Variants in B4GALNT1 observed in about 807,000 individuals in gnomAD.
B4GALNT1 encodes beta-1,4-N-acetyl-galactosaminyltransferase 1, also known as beta-1,4 N-acetylgalactosaminyltransferase 1.
In B4GALNT1, 43 loss-of-function variants were observed where a neutral mutation model predicts 55.2. That is an observed-to-expected ratio of 0.78 (90% CI 0.61 to 1.00). The LOEUF (loss-of-function observed/expected upper bound fraction) is 1.00. Among genes scored for constraint, B4GALNT1 ranks in the 50% least tolerant of loss-of-function variants. The pLI, the probability that B4GALNT1 is intolerant of heterozygous loss-of-function variation, is 0.00. For missense variants in B4GALNT1, 664 were observed against 729.7 expected, an observed-to-expected ratio of 0.91 and a Z score of 1.04; for synonymous variants, 305 against 311.6, an observed-to-expected ratio of 0.98 and a Z score of 0.22.
intron 4 of B4GALNT1, 60 bp from the exon 5 acceptor site, chr12:57,630,578 T>C: frequency 3.3e-6 from 5 of 1,529,948 alleles, no homozygotes; most frequent in Non-Finnish European, 4.4e-6. Context: ...CTTTCTCATT[T>C]TCTCTCCCTG....
chr12:57,626,696 G>A lies in B4GALNT1; in HGVS notation c.*48C>T. 1 of 1,604,860 alleles carries A rather than the reference G, an allele frequency of 6.2e-7. No homozygotes were observed. Among genetic ancestry groups the A allele is most frequent in the Middle Eastern group, 1.8e-4 (1 of 5,648 alleles). The stretch of plus-strand genomic sequence containing the variant: ...GGGTTTGTTGGAAATTCCTGGCAGG[G>A]ACAAGGAGGCAGGCCCAGCCTGACA... On this transcript the variant is annotated 3_prime_UTR_variant, in exon 11 of 11. Transcript: ENST00000341156.
At position 57,632,139 on chromosome 12, in the gene B4GALNT1, TG is replaced by T; in HGVS notation, c.-1-7del. 6.8e-7 allele frequency: 1 copy of T among 1,469,270 alleles called. No individual in the cohort carries two copies. Among genetic ancestry groups the T allele is most frequent in the Non-Finnish European group, 9.1e-7 (1 of 1,097,704 alleles). 91.0% of individuals were successfully genotyped at this position (1,469,270 alleles called of 1,614,324 possible). The stretch of plus-strand genomic sequence containing the variant: ...CCCGGCGGCCCAGCCACATCCTAGG[TG>T]GGGGTAGGGTGGGGAGTGAGAAAGG... On this transcript the variant is annotated splice_region_variant and splice_polypyrimidine_tract_variant and intron_variant, in intron 1 of 10. Coordinates refer to ENST00000341156, the MANE Select transcript of B4GALNT1 (RefSeq NM_001478.5).
Position 57,625,595 on chromosome 12 carries a change from G to C in B4GALNT1, c.*1149C>G. 6.3e-7 allele frequency: 1 copy of C among 1,594,808 alleles called. No individual in the cohort carries two copies. Among genetic ancestry groups the C allele is most frequent in the Non-Finnish European group, 8.6e-7 (1 of 1,169,206 alleles). ...CTCCCCACATAGCCTTGGTGCAGGGGACACTGACCCGGGTAGGACTCCTGG... is the reference window on the plus strand; with the variant it reads ...CTCCCCACATAGCCTTGGTGCAGGGCACACTGACCCGGGTAGGACTCCTGG... On this transcript the variant is annotated 3_prime_UTR_variant, in exon 11 of 11. Transcript: ENST00000341156.
chr12:57,629,219 AGTGCCTACTCT>A (rs1885046986), intron 6 of B4GALNT1, 73 bp from the exon 7 acceptor site: 1 of 1,297,346 alleles, frequency 7.7e-7, no homozygotes, highest in Non-Finnish European at 1.0e-6. Flanking sequence ...TCAATATTTA[AGTGCCTACTCT>A]GTGTCCCACC....
chr12:57,625,198 T>C lies in B4GALNT1; in HGVS notation c.*1546A>G. On this transcript the variant is annotated 3_prime_UTR_variant, in exon 11 of 11. Coordinates refer to ENST00000341156, the MANE Select transcript of B4GALNT1 (RefSeq NM_001478.5). Reference sequence around the variant, plus strand: ...AGAAGGAAGATTTGGGCATGTTGCATGGTGACACCTGGGTACTCCTGTCTT... The same window carrying C: ...AGAAGGAAGATTTGGGCATGTTGCACGGTGACACCTGGGTACTCCTGTCTT... 1 of 1,614,088 alleles carries C rather than the reference T, an allele frequency of 6.2e-7. No individual in the cohort carries two copies. Among genetic ancestry groups the C allele is most frequent in the Non-Finnish European group, 8.5e-7 (1 of 1,180,008 alleles).
In B4GALNT1 at chr12:57,624,686, A is replaced by T; in HGVS notation, c.*2058T>A. ...CTTGGGGTGACTCTCCAGCCAGGCC[A>T]GGCTAAGCTGGAAATCTGGCCCCAC... On this transcript the variant is annotated 3_prime_UTR_variant, in exon 11 of 11. Transcript: ENST00000341156. 1.3e-6 allele frequency: 1 copy of T among 756,316 alleles called. No individual in the cohort carries two copies. The highest frequency in any genetic ancestry group is 2.3e-4 in the Middle Eastern group (1 of 4,384). The allele number at this position is 756,316 out of a possible 1,614,324, so 46.9% of individuals were successfully genotyped here.
rs1290652611 is a variant in B4GALNT1, at chr12:57,628,742, C to T, written c.973G>A (p.Val325Met). The T allele has an allele frequency of 1.2e-6, 2 of 1,614,122 alleles. No homozygotes were observed. Among genetic ancestry groups the T allele is most frequent in the African/African-American group, 1.3e-5 (1 of 74,938 alleles). The change falls in exon 8 of 11, where the codon GTG (valine) becomes ATG (methionine). Residue 325 changes from valine (V) to methionine (M), a missense_variant. Transcript: ENST00000341156. ...DKPERVSGPY[V>M]EHYLMPFGKG... ...CCGAAGGGCATGAGATAGTGTTCCA[C>T]GTAGGGGCCACTAACGCGCTCTGGC...
chr12:57,630,937 C>A, intron 4 of B4GALNT1, 43 bp downstream of exon 4: 5 of 1,562,452 alleles, frequency 3.2e-6, no homozygotes, highest in Non-Finnish European at 4.4e-6. Flanking sequence ...GCTCTGCCAC[C>A]CCCACTGTGG....
In B4GALNT1 at chr12:57,630,096, T is replaced by C. The variant is rs746914909; in HGVS notation, c.712+56A>G. The C allele has an allele frequency of 7.4e-6, 12 of 1,613,786 alleles. No homozygotes were observed. In the Admixed American group the frequency reaches 1.8e-4, roughly 25 times the overall value. ...CCTCTGCCATTTGCCCACTCCAGCC[T>C]TTCTGGTTCTTCTCTGTTTGCCCAG... On this transcript the variant is annotated intron_variant, in intron 6 of 10. Transcript: ENST00000341156.
rs763581931 is a variant in B4GALNT1 at position 57,630,165 on chromosome 12, G to A, written c.699C>T (p.Asn233=). 1 of 1,614,224 alleles carries A rather than the reference G, an allele frequency of 6.2e-7. No homozygotes were observed. Among genetic ancestry groups the A allele is most frequent in the South Asian group, 1.1e-5 (1 of 91,086 alleles). The change falls in exon 6 of 11, where the codon AAC becomes AAT. Residue 233 remains asparagine (N), a synonymous_variant. Coordinates refer to ENST00000341156, the MANE Select transcript of B4GALNT1 (RefSeq NM_001478.5). ...VTYSSRSYQT[N]TADTVRFSTE... ...CAGGCCTTGCACCTGTGTCTGCTGTGTTGGTCTGGTAGCTTCGGCTGCTGT... is the reference window on the plus strand; with the variant it reads ...CAGGCCTTGCACCTGTGTCTGCTGTATTGGTCTGGTAGCTTCGGCTGCTGT...
rs1565734750 is a variant in B4GALNT1 at position 57,625,113 on chromosome 12, T to TAAGTAAAGGCAGTCTTA, written c.*1630_*1631insTAAGACTGCCTTTACTT. ...TTTCGGGAGTGGTGACTGCCCTTCT[T>TAAGTAAAGGCAGTCTTA]TACTTATAGGAGACTTCAAAGCCAG... On this transcript the variant is annotated 3_prime_UTR_variant, in exon 11 of 11. Transcript: ENST00000341156. The TAAGTAAAGGCAGTCTTA allele has an allele frequency of 1.9e-6, 3 of 1,613,980 alleles. No homozygotes were observed. The Admixed American group carries it at 5.0e-5, about 27-fold the overall frequency.
chr12:57,628,838 G>A lies in B4GALNT1; in HGVS notation c.877C>T (p.Arg293Trp), dbSNP rs769436121. 79 of 1,614,102 alleles carry A rather than the reference G, an allele frequency of 4.9e-5. 1 individual carries two copies. The highest frequency in any genetic ancestry group is 3.7e-4 in the South Asian group (34 of 91,076). The change falls in exon 8 of 11, where the codon CGG (arginine) becomes TGG (tryptophan). Residue 293 changes from arginine (R) to tryptophan (W), a missense_variant. Transcript: ENST00000341156. The part of the protein sequence containing the change: ...TKTFLRYDRL[R>W]ALITSIRRFY... The stretch of plus-strand genomic sequence containing the variant: ...CGGCGGATACTGGTGATGAGAGCCC[G>A]TAGCCGATCATAACGGAGGAAGGTC...
intron 8 of B4GALNT1, 113 bp from the exon 9 acceptor site, chr12:57,628,375 G>T: frequency 6.7e-7 from 1 of 1,487,364 alleles, no homozygotes; most frequent in Non-Finnish European, 9.1e-7. Context: ...CCAGACTTTT[G>T]AGTGCTTTCG....
chr12:57,627,778 G>A lies in B4GALNT1; in HGVS notation c.1224C>T (p.Gly408=), dbSNP rs1429229219. The A allele has an allele frequency of 6.2e-7, 1 of 1,601,868 alleles. No individual in the cohort carries two copies. The highest frequency in any genetic ancestry group is 1.7e-5 in the Admixed American group (1 of 59,006). The change falls in exon 10 of 11, where the codon GGC becomes GGT. Residue 408 remains glycine, a synonymous_variant. Transcript: ENST00000341156. The part of the protein sequence containing the change: ...QLLSVEPGAP[G]LGNCLRQRRG... Reference sequence around the variant, plus strand: ...GCCTTTGCCGGAGGCAGTTCCCGAGGCCTGGGGCGCCGGGCTCCACGCTCA... The same window carrying A: ...GCCTTTGCCGGAGGCAGTTCCCGAGACCTGGGGCGCCGGGCTCCACGCTCA...
rs1186975589 is a variant in B4GALNT1 at position 57,625,717 on chromosome 12, G to A, written c.*1027C>T. The A allele has an allele frequency of 2.0e-6, 3 of 1,537,886 alleles. No individual in the cohort carries two copies. Among genetic ancestry groups the A allele is most frequent in the Admixed American group, 4.2e-5 (2 of 47,500 alleles). Reference sequence around the variant, plus strand: ...AGGGGCAGTAGCACCAGGAGCGGGAGCCAGGAGGCACTGGGCTGCGGCAAG... The same window carrying A: ...AGGGGCAGTAGCACCAGGAGCGGGAACCAGGAGGCACTGGGCTGCGGCAAG... On this transcript the variant is annotated 3_prime_UTR_variant, in exon 11 of 11. Coordinates refer to ENST00000341156, the MANE Select transcript of B4GALNT1 (RefSeq NM_001478.5).
intron 4 of B4GALNT1, 150 bp from the exon 5 acceptor site, chr12:57,630,668 T>C (rs1885143376): frequency 9.8e-7 from 1 of 1,024,060 alleles, no homozygotes; most frequent in African/African-American, 1.6e-5. Context: ...TAACATAGCC[T>C]ACAGTGACTG....
At chr12:57,632,206 C>T in intron 1 of B4GALNT1, 73 bp from the exon 2 acceptor site, 1 of 1,407,810 alleles carries the variant, frequency 7.1e-7, no homozygotes, top group Non-Finnish European at 9.8e-7. Context: ...CCTTGGCCCC[C>T]GCGTCCTCAG....
Position 57,625,252 on chromosome 12 carries a change from G to C in B4GALNT1, c.*1492C>G, listed in dbSNP as rs1213375904. 3.7e-6 allele frequency: 6 copies of C among 1,614,142 alleles called. No individual in the cohort carries two copies. Among genetic ancestry groups the C allele is most frequent in the Non-Finnish European group, 5.1e-6 (6 of 1,180,012 alleles). On this transcript the variant is annotated 3_prime_UTR_variant, in exon 11 of 11. Transcript: ENST00000341156. ...CCATTCTAGTTGCTGAGCCTGTCAGGGTGGTGGTCCTAGACTTCAGTGGTG... is the reference window on the plus strand; with the variant it reads ...CCATTCTAGTTGCTGAGCCTGTCAGCGTGGTGGTCCTAGACTTCAGTGGTG...
chr12:57,631,892 G>GCGCCGC, intron 2 of B4GALNT1, 23 bp downstream of exon 2: 1 of 1,374,432 alleles, frequency 7.3e-7, no homozygotes. Flanking sequence ...GCGCTGCGCT[G>GCGCCGC]CGCCGCCGCG....
Sources: allele counts gnomAD v4.1 joint callset, GRCh38; gene constraint gnomAD v4.1.1; transcripts MANE v1.5; gene names NCBI Gene and HGNC (gene_info 2026-07-23, HGNC 2026-07-21).